Variants in CHN2 observed in about 807,000 individuals in gnomAD.
CHN2 encodes beta-chimaerin.
In CHN2, 35 loss-of-function variants were observed where a neutral mutation model predicts 56.3. That is an observed-to-expected ratio of 0.62 (90% CI 0.47 to 0.82). The LOEUF (loss-of-function observed/expected upper bound fraction) is 0.82, where lower values mean the gene tolerates loss of function less well. Ranked by LOEUF, CHN2 falls within the 40% of genes least tolerant of loss-of-function variation. The pLI, the probability that CHN2 is intolerant of heterozygous loss-of-function variation, is 0.00. For synonymous variants in CHN2, 210 were observed against 212.8 expected, an observed-to-expected ratio of 0.99 and a Z score of 0.12; for missense variants, 491 against 580.5, an observed-to-expected ratio of 0.85 and a Z score of 1.58.
chr7:29,313,456 T>C (rs1012112880), intron 1 of CHN2, among the ~76,000 whole-genome samples: 4 of 151,998 alleles, frequency 2.6e-5, no homozygotes, highest in Admixed American at 2.6e-4. Flanking sequence ...TTCCCAGAGG[T>C]GTCAGCTCAC....
chr7:29,286,891 C>T (rs916910871), intron 1 of CHN2, among the ~76,000 whole-genome samples: 1 of 152,162 alleles, frequency 6.6e-6, no homozygotes, highest in Non-Finnish European at 1.5e-5. Flanking sequence ...TATAGGATAC[C>T]TATGCTACCT....
Position 29,212,858 on chromosome 7 carries a change from G to A in CHN2, c.49+17868G>A, listed in dbSNP as rs1248799772. ...CTCTTCCTACCACCAGGGATGACTG[G>A]TGACCTGACTGGGAACCTTCCAATG... is the stretch of plus-strand genomic sequence containing the variant. On this transcript the variant is annotated intron_variant, in intron 1 of 12. Coordinates refer to ENST00000222792, the MANE Select transcript of CHN2 (RefSeq NM_004067.4). The A allele has an allele frequency of 6.2e-6, 10 of 1,609,860 alleles. No individual in the cohort carries two copies. In the Admixed American group the frequency reaches 1.3e-4, roughly 21 times the overall value.
chr7:29,367,902 T>G, intron 2 of CHN2, 30 bp from the exon 3 acceptor site: 1 of 1,471,312 alleles, frequency 6.8e-7, no homozygotes, highest in South Asian at 1.2e-5. Flanking sequence ...TTCTAATTAT[T>G]TCTCTCTCTC....
At position 29,179,368 on chromosome 7, in the gene CHN2, C is replaced by T. The variant is rs560397644; in HGVS notation, c.274+32408C>T. Among the ~76,000 whole-genome samples the T allele has an allele frequency of 2.0e-5, 3 of 152,326 alleles. No individual in the cohort carries two copies. The South Asian group carries it at 6.2e-4, about 32-fold the overall frequency. ...GCCTTCCTTCCCACACAGTGTCAGC[C>T]TTCTTCAGTCAGCCTTGTTGAAGAA... is the stretch of plus-strand genomic sequence containing the variant. On this transcript the variant is annotated intron_variant, in intron 2 of 6. Coordinates refer to the CHN2 transcript ENST00000439384.
intron 3 of CHN2, among the ~76,000 whole-genome samples, chr7:29,373,178 CTT>C (rs907793573): frequency 1.4e-5 from 2 of 146,268 alleles, no homozygotes; most frequent in South Asian, 2.2e-4. Context: ...AGTGGCCAAT[CTT>C]TTTTTTTTTT....
intron 1 of CHN2, among the ~76,000 whole-genome samples, chr7:29,269,126 C>T (rs1197926505): frequency 1.3e-5 from 2 of 152,226 alleles, no homozygotes; most frequent in Non-Finnish European, 2.9e-5. Flanking sequence ...TAGTTATAGT[C>T]ACTCTATTGT....
At chr7:29,169,775 A>G (rs991470753) in intron 2 of CHN2, among the ~76,000 whole-genome samples, 2 of 152,004 alleles carry the variant, frequency 1.3e-5, no homozygotes, top group Non-Finnish European at 2.9e-5. Flanking sequence ...TGGTGTGCCT[A>G]TAGACCTTCA....
chr7:29,242,275 C>T (rs1490151958), intron 1 of CHN2, among the ~76,000 whole-genome samples: 2 of 152,188 alleles, frequency 1.3e-5, no homozygotes, highest in Admixed American at 1.3e-4. Context: ...GATAGCAAAC[C>T]TCCAGCAACC....
chr7:29,379,866 G>A (rs1324425495), intron 3 of CHN2, among the ~76,000 whole-genome samples: 1 of 152,182 alleles, frequency 6.6e-6, no homozygotes, highest in African/African-American at 2.4e-5. Context: ...TGAAAGCAAG[G>A]ACAAGCATTA....
intron 1 of CHN2, among the ~76,000 whole-genome samples, chr7:29,260,574 A>AG (rs1264509030): frequency 6.6e-6 from 1 of 152,092 alleles, no homozygotes; most frequent in Non-Finnish European, 1.5e-5. Context: ...AAAAGTGCCC[A>AG]GGGCTTCCAC....
At chr7:29,219,841 C>G (rs143266735) in intron 1 of CHN2, among the ~76,000 whole-genome samples, 1 of 152,060 alleles carries the variant, frequency 6.6e-6, no homozygotes, top group African/African-American at 2.4e-5. Context: ...CTTTAGGAGG[C>G]GAGGTGGGCG....
chr7:29,318,010 G>T (rs138138048), intron 1 of CHN2, among the ~76,000 whole-genome samples: 1 of 152,292 alleles, frequency 6.6e-6, no homozygotes, highest in Admixed American at 6.5e-5. Flanking sequence ...ACAAAAAACA[G>T]ATGTGTGGTA....
At chr7:29,172,694 A>ACAGT (rs542484754) in intron 2 of CHN2, among the ~76,000 whole-genome samples, 80 of 152,320 alleles carry the variant, frequency 5.3e-4, no homozygotes, top group African/African-American at 1.9e-3. Flanking sequence ...TTTTTGACAT[A>ACAGT]CAGTCATCTG....
At chr7:29,204,064 TC>T (rs1784346964) in intron 1 of CHN2, among the ~76,000 whole-genome samples, 4 of 106,378 alleles carry the variant, frequency 3.8e-5, no homozygotes, top group African/African-American at 1.8e-4. Context: ...TTTTTCTCTC[TC>T]TCTGTGTGTG....
chr7:29,206,396 C>T (rs1361769418), intron 1 of CHN2, among the ~76,000 whole-genome samples: 1 of 152,142 alleles, frequency 6.6e-6, no homozygotes, highest in Non-Finnish European at 1.5e-5. Flanking sequence ...TTTCTCCTGC[C>T]TCAGCCTCCT....
chr7:29,344,820 T>A (rs1797305379), intron 1 of CHN2, among the ~76,000 whole-genome samples: 1 of 152,204 alleles, frequency 6.6e-6, no homozygotes, highest in Admixed American at 6.5e-5. Flanking sequence ...GGGAAGAGCC[T>A]GACTGCCCCT....
intron 6 of CHN2, among the ~76,000 whole-genome samples, chr7:29,440,866 A>G (rs1037060980): frequency 3.3e-5 from 5 of 152,044 alleles, no homozygotes; most frequent in Non-Finnish European, 5.9e-5. Flanking sequence ...TTTTTATTTC[A>G]TATTTCTCCA....
chr7:29,213,735 G>A (rs572343458), intron 1 of CHN2, among the ~76,000 whole-genome samples: 9 of 152,136 alleles, frequency 5.9e-5, no homozygotes, highest in African/African-American at 1.9e-4. Context: ...GCTAATCTTT[G>A]TAGAAGGAGG....
intron 2 of CHN2, among the ~76,000 whole-genome samples, chr7:29,163,287 A>T (rs1401416657): frequency 1.3e-5 from 2 of 152,160 alleles, no homozygotes; most frequent in African/African-American, 4.8e-5. Context: ...AGTATGAAAA[A>T]CATTGTAAAA....
Sources: allele counts gnomAD v4.1 joint callset (sites outside exome capture counted in the v4.1 genomes callset), GRCh38; gene constraint gnomAD v4.1.1; transcripts MANE v1.5; gene names NCBI Gene and HGNC (gene_info 2026-07-23, HGNC 2026-07-21).